The following TNPO2 variants were observed in gnomAD, a reference collection of about 807,000 sequenced individuals.
TNPO2 encodes the protein transportin-2.
In TNPO2, 16 loss-of-function variants were observed where a neutral mutation model predicts 111.1. The observed-to-expected ratio is 0.14, with a 90% CI of 0.10 to 0.22. The LOEUF (loss-of-function observed/expected upper bound fraction) is 0.22, where lower values mean the gene tolerates loss of function less well. TNPO2 is among the 10% of genes least tolerant of loss of function. The probability of loss-of-function intolerance (pLI) is 1.00; values close to 1 mark genes in which losing one functional copy is unlikely to be tolerated. For missense variants in TNPO2, 530 were observed against 1,173.7 expected (o/e 0.45, Z 8.01); for synonymous variants, 481 against 475.8 (o/e 1.01, Z -0.14).
rs1568337860 is a variant in TNPO2 at position 12,715,291 on chromosome 19, G to C, written c.600C>G (p.Ile200Met). ...CCATCAGCGCCTGGGCCCGGTCCAT[G>C]ATGAACTGGTTCACGCAGGCGATGG... The part of the protein sequence containing the change: ...SHAIACVNQF[I>M]MDRAQALMDN... The change falls in exon 8 of 26, where the codon ATC (isoleucine) becomes ATG (methionine). Residue 200 changes from isoleucine to methionine, a missense_variant. By Grantham distance (10) the Ile-to-Met change is conservative. Transcript: ENST00000425528. The surrounding 1 kb of genome is among the most constrained non-coding windows in gnomAD (Gnocchi z 7.1). 1 of 1,613,662 alleles carries C rather than the reference G, an allele frequency of 6.2e-7. No individual in the cohort carries two copies. Among genetic ancestry groups the C allele is most frequent in the South Asian group, 1.1e-5 (1 of 91,062 alleles).
intron 3 of TNPO2, among the ~76,000 whole-genome samples, chr19:12,720,208 G>A (rs1000292235): frequency 6.6e-6 from 1 of 152,086 alleles, no homozygotes; most frequent in Non-Finnish European, 1.5e-5. Flanking sequence ...AGTAGAGACA[G>A]GGTTTCTCCA....
intron 13 of TNPO2, among the ~76,000 whole-genome samples, chr19:12,708,431 G>GT (rs1160827763): frequency 0.15 from 21,055 of 143,494 alleles, 1,816 homozygotes; most frequent in East Asian, 0.27. Context: ...CACACCCAGG[G>GT]TTTTTTTTTT....
At chr19:12,703,585 C>G (rs2025456333) in intron 19 of TNPO2, 59 bp from the exon 20 acceptor site, 6 of 1,573,298 alleles carry the variant, frequency 3.8e-6, no homozygotes, top group Middle Eastern at 1.7e-4. Flanking sequence ...GCTGCAGGAC[C>G]TAGTCCAGCA....
At chr19:12,703,110 C>A in intron 20 of TNPO2, 192 bp from the exon 21 acceptor site, 1 of 599,882 alleles carries the variant, frequency 1.7e-6, no homozygotes, top group Admixed American at 3.0e-5. Flanking sequence ...AGACCCACAC[C>A]CTCCAAACAA....
chr19:12,719,919 A>G lies in TNPO2; in HGVS notation c.100-583T>C, dbSNP rs2026577543. 6.6e-6 allele frequency among the ~76,000 whole-genome samples: 1 copy of G among 151,154 alleles called. No individual in the cohort carries two copies. The highest frequency in any genetic ancestry group is 6.6e-5 in the Admixed American group (1 of 15,182). On this transcript the variant is annotated intron_variant, in intron 3 of 25. Transcript: ENST00000425528. This position sits in a 1 kb window ranked among gnomAD's most constrained non-coding sequence, Gnocchi z 5.0. Reference sequence around the variant, plus strand: ...TCCCACTCCTCTTAAAGTGGCAGCTACTAGTCAGCGATCCCCACTAACAGG... The same window carrying G: ...TCCCACTCCTCTTAAAGTGGCAGCTGCTAGTCAGCGATCCCCACTAACAGG...
Position 12,700,288 on chromosome 19 carries a change from G to A in TNPO2, c.*976C>T, listed in dbSNP as rs941988469. 1.3e-5 allele frequency: 2 copies of A among 151,954 alleles called. No individual in the cohort carries two copies. Among genetic ancestry groups the A allele is most frequent in the South Asian group, 4.1e-4 (2 of 4,826 alleles). 9.4% of individuals were successfully genotyped at this position (151,954 alleles called of 1,614,324 possible). A position where few individuals can be genotyped will look rare whatever the true frequency, so the allele number is the denominator to read the frequency against. ...CTGGGGCCTGAAACGTGAGAAGGGG[G>A]TTTCAGAAGCACAGAGAAACGGACT... is the stretch of plus-strand genomic sequence containing the variant. On this transcript the variant is annotated 3_prime_UTR_variant, in exon 26 of 26. Coordinates refer to ENST00000425528, the MANE Select transcript of TNPO2 (RefSeq NM_001382241.1).
intron 13 of TNPO2, among the ~76,000 whole-genome samples, chr19:12,709,946 C>T (rs2025946338): frequency 6.6e-6 from 1 of 152,152 alleles, no homozygotes; most frequent in African/African-American, 2.4e-5. Context: ...TGAAAGCTTA[C>T]AAGGTTGAGG....
intron 5 of TNPO2, among the ~76,000 whole-genome samples, chr19:12,716,920 G>A (rs1246692217): frequency 6.6e-6 from 1 of 152,118 alleles, no homozygotes; most frequent in Non-Finnish European, 1.5e-5. Context: ...AGGGAAAGGA[G>A]GTAAGGGCAG....
At position 12,714,927 on chromosome 19, in the gene TNPO2, T is replaced by C. The variant is rs984557344; in HGVS notation, c.784A>G (p.Arg262Gly). The C allele has an allele frequency of 3.1e-6, 5 of 1,612,580 alleles. No individual in the cohort carries two copies. The highest frequency in any genetic ancestry group is 3.4e-6 in the Non-Finnish European group (4 of 1,179,350). ...ACGTTCTCATCATGGTCCTGGGTCCTCTGCAGCATGTACTGTGGTAGGGGG... is the reference window on the plus strand; with the variant it reads ...ACGTTCTCATCATGGTCCTGGGTCCCCTGCAGCATGTACTGTGGTAGGGGG... ...MHSIIQYMLQ[R>G]TQDHDENVAL... The change falls in exon 10 of 26, where the codon AGG becomes GGG. Residue 262 changes from arginine to glycine, a missense_variant. By Grantham distance (125) the Arg-to-Gly change is moderately radical (BLOSUM62 -2). Coordinates refer to ENST00000425528, the MANE Select transcript of TNPO2 (RefSeq NM_001382241.1).
In TNPO2 at chr19:12,701,385, C is replaced by T. The variant is rs141183673; in HGVS notation, c.2655G>A (p.Pro885=). The T allele has an allele frequency of 3.7e-4, 600 of 1,613,934 alleles. 9 individuals are homozygous for T. The East Asian group carries it at 0.011, about 29-fold the overall frequency. The change falls in exon 25 of 26, where the codon CCG becomes CCA. Residue 885 remains proline (P), a synonymous_variant. Coordinates refer to ENST00000425528, the MANE Select transcript of TNPO2 (RefSeq NM_001382241.1). This position sits in a 1 kb window ranked among gnomAD's most constrained non-coding sequence, Gnocchi z 5.0. ...AAGCCGCCAGCCTCTCCTTGAGCAG[C>T]GGCGGGAATTGCTCAGAGAACTGCT... The part of the protein sequence containing the change: ...NWQQFSEQFP[P]LLKERLAAFY...
Position 12,715,803 on chromosome 19 carries a change from C to T in TNPO2, c.326-64G>A, listed in dbSNP as rs902302217. The T allele has an allele frequency of 3.9e-5, 51 of 1,291,614 alleles. No individual in the cohort carries two copies. Among genetic ancestry groups the T allele is most frequent in the Non-Finnish European group, 5.3e-5 (49 of 919,688 alleles). 80.0% of individuals were successfully genotyped at this position (1,291,614 alleles called of 1,614,324 possible). ...AGGGGCTGCCTAGCACCTCCCCCTC[C>T]CACTGGACACCCCCAGTGCTGCCTT... On this transcript the variant is annotated intron_variant, in intron 5 of 25. Coordinates refer to ENST00000425528, the MANE Select transcript of TNPO2 (RefSeq NM_001382241.1). This position sits in a 1 kb window ranked among gnomAD's most constrained non-coding sequence, Gnocchi z 7.1.
At position 12,702,447 on chromosome 19, in the gene TNPO2, T is replaced by G. The variant is rs1167995185; in HGVS notation, c.2306-270A>C. On this transcript the variant is annotated intron_variant, in intron 21 of 25. Coordinates refer to ENST00000425528, the MANE Select transcript of TNPO2 (RefSeq NM_001382241.1). This position sits in a 1 kb window ranked among gnomAD's most constrained non-coding sequence, Gnocchi z 5.5. ...TCTTGCTCTGTTGCCCAGGCTGGAG[T>G]GCAGTGGCATGATCTTGGCTCATTG... 6 of 617,654 alleles carry G rather than the reference T, an allele frequency of 9.7e-6. No individual in the cohort carries two copies. The highest frequency in any genetic ancestry group is 1.8e-5 in the Non-Finnish European group (6 of 335,760). 38.3% of individuals were successfully genotyped at this position (617,654 alleles called of 1,614,324 possible).
At position 12,705,457 on chromosome 19, in the gene TNPO2, G is replaced by A. The variant is rs370589987; in HGVS notation, c.1863+35C>T. On this transcript the variant is annotated intron_variant, in intron 17 of 25. Coordinates refer to ENST00000425528, the MANE Select transcript of TNPO2 (RefSeq NM_001382241.1). This position sits in a 1 kb window ranked among gnomAD's most constrained non-coding sequence, Gnocchi z 7.2. ...TGGAGCAGGCCCGAGGCAGGCCAAT[G>A]CAGAAGCACAGGTGACGGGCCTAGG... 1.9e-6 allele frequency: 3 copies of A among 1,577,206 alleles called. No individual in the cohort carries two copies. The African/African-American group carries it at 4.0e-5, about 21-fold the overall frequency.
At chr19:12,704,705 C>T (rs2025533558) in intron 18 of TNPO2, among the ~76,000 whole-genome samples, 1 of 151,776 alleles carries the variant, frequency 6.6e-6, no homozygotes, top group Non-Finnish European at 1.5e-5. Context: ...TTTTTGAAGA[C>T]AGAGTCTCAG....
chr19:12,703,114 C>A, intron 20 of TNPO2, 196 bp from the exon 21 acceptor site: 1 of 597,164 alleles, frequency 1.7e-6, no homozygotes, highest in East Asian at 2.8e-5. Flanking sequence ...CCACACCCTC[C>A]AAACAACAGA....
chr19:12,703,645 C>T (rs2025460000), intron 19 of TNPO2, 69 bp downstream of exon 19: 3 of 1,580,750 alleles, frequency 1.9e-6, no homozygotes, highest in African/African-American at 1.3e-5. Flanking sequence ...CAGTCATCCC[C>T]GGGTATTGCT....
Position 12,706,900 on chromosome 19 carries a change from TTA to T in TNPO2, c.1271-107_1271-106del, listed in dbSNP as rs2025707997. On this transcript the variant is annotated intron_variant, in intron 13 of 25. Coordinates refer to ENST00000425528, the MANE Select transcript of TNPO2 (RefSeq NM_001382241.1). The surrounding 1 kb of genome is among the most constrained non-coding windows in gnomAD (Gnocchi z 7.0). ...ACACAACATATAGGGAAACTGAGGC[TTA>T]GAGTTTAAATCACTGGCCCAGACTC... 6 of 987,582 alleles carry T rather than the reference TTA, an allele frequency of 6.1e-6. No individual in the cohort carries two copies. The highest frequency in any genetic ancestry group is 9.1e-6 in the Non-Finnish European group (6 of 657,432). The allele number at this position is 987,582 out of a possible 1,614,324, so 61.2% of individuals were successfully genotyped here. A position where few individuals can be genotyped will look rare whatever the true frequency, so the allele number is the denominator to read the frequency against.
intron 12 of TNPO2, 178 bp downstream of exon 12, chr19:12,711,118 T>A: frequency 1.3e-6 from 1 of 746,392 alleles, no homozygotes. Flanking sequence ...ATGGTGTTGA[T>A]CTCCTGACCT....
chr19:12,705,505 A>G lies in TNPO2; in HGVS notation c.1850T>C (p.Leu617Pro). 6.3e-7 allele frequency: 1 copy of G among 1,597,956 alleles called. No individual in the cohort carries two copies. Residue 617 changes from leucine (L) to proline (P), a missense_variant, in exon 17 of 26, where the codon CTG becomes CCG. This residue lies in a region of TNPO2 where 183 missense variants were observed against 481.0 expected (regional missense o/e 0.38). Coordinates refer to ENST00000425528, the MANE Select transcript of TNPO2 (RefSeq NM_001382241.1). The surrounding 1 kb of genome is among the most constrained non-coding windows in gnomAD (Gnocchi z 7.2). ...QRCVTLVQKTLAQAMMYTQHP... is the reference protein window; with the variant it reads ...QRCVTLVQKTPAQAMMYTQHP... Reference sequence around the variant, plus strand: ...AGGGTTGCTCACCATGGCCTGAGCCAGTGTCTTCTGCACCAGGGTGACACA... The same window carrying G: ...AGGGTTGCTCACCATGGCCTGAGCCGGTGTCTTCTGCACCAGGGTGACACA...
Sources: gnomAD v4.1 joint callset for allele counts (sites outside exome capture counted in the v4.1 genomes callset) on GRCh38, gnomAD v4.1.1 for gene constraint, gnomAD v4.1.1 regional missense constraint, Gnocchi (gnomAD v3.1) non-coding constraint, MANE v1.5 for transcripts, NCBI Gene and HGNC (gene_info 2026-07-23, HGNC 2026-07-21) for gene names.